LCLAT1: variants seen among roughly 807,000 people sequenced by gnomAD.
LCLAT1 encodes the protein 1-AGP acyltransferase 8.
In LCLAT1, 11 loss-of-function variants were observed where a neutral mutation model predicts 30.7. That is an observed-to-expected ratio of 0.36 (90% CI 0.23 to 0.59). LCLAT1 has a LOEUF of 0.59. Ranked by LOEUF, LCLAT1 falls within the 20% of genes least tolerant of loss-of-function variation. The probability of loss-of-function intolerance (pLI) is 0.77; values close to 1 mark genes in which losing one functional copy is unlikely to be tolerated. For missense variants in LCLAT1, 402 were observed against 458.6 expected (o/e 0.88, Z 1.13); for synonymous variants, 155 against 151.3 (o/e 1.02, Z -0.18).
At chr2:30,551,651 G>C (rs1219328484) in intron 3 of LCLAT1, among the ~76,000 whole-genome samples, 1 of 152,114 alleles carries the variant, frequency 6.6e-6, no homozygotes, top group Non-Finnish European at 1.5e-5. Context: ...TGGCAGGACT[G>C]GTTTCTTTCT....
chr2:30,545,789 T>G (rs187971731), intron 3 of LCLAT1, among the ~76,000 whole-genome samples: 165 of 152,300 alleles, frequency 1.1e-3, no homozygotes, highest in African/African-American at 3.8e-3. Flanking sequence ...CTAGTGATTT[T>G]GTGCCAGGAA....
chr2:30,559,457 T>TG (rs1482317260), intron 3 of LCLAT1, among the ~76,000 whole-genome samples: 2 of 152,254 alleles, frequency 1.3e-5, no homozygotes, highest in Non-Finnish European at 2.9e-5. Flanking sequence ...ATCTAAGTCT[T>TG]GCATTCATTT....
At chr2:30,638,565 A>C (rs77305565) in intron 5 of LCLAT1, among the ~76,000 whole-genome samples, 3,631 of 152,356 alleles carry the variant, frequency 0.024, 68 homozygotes, top group Non-Finnish European at 0.04. Flanking sequence ...GTTCAGGAGA[A>C]AGTAACATTC....
intron 3 of LCLAT1, among the ~76,000 whole-genome samples, chr2:30,538,272 A>G (rs886128634): frequency 6.6e-6 from 1 of 152,250 alleles, no homozygotes; most frequent in South Asian, 2.1e-4. Flanking sequence ...CAAAGGGTCA[A>G]TGAAATGGAA....
intron 5 of LCLAT1, among the ~76,000 whole-genome samples, chr2:30,632,434 C>T (rs1342643542): frequency 6.6e-6 from 1 of 152,138 alleles, no homozygotes; most frequent in Admixed American, 6.5e-5. Context: ...GGCTCAGAGC[C>T]AGAGTCAGTC....
intron 5 of LCLAT1, among the ~76,000 whole-genome samples, chr2:30,568,955 T>C (rs988310542): frequency 2.0e-5 from 3 of 151,930 alleles, no homozygotes; most frequent in African/African-American, 7.2e-5. Flanking sequence ...TATCATTCTC[T>C]TACTATTTTA....
chr2:30,534,267 G>A (rs1014935323), intron 3 of LCLAT1, among the ~76,000 whole-genome samples: 3 of 131,550 alleles, frequency 2.3e-5, no homozygotes, highest in Non-Finnish European at 3.3e-5. Context: ...GTGTGTGTGT[G>A]TGTGTGTTTG....
intron 1 of LCLAT1, among the ~76,000 whole-genome samples, chr2:30,456,448 C>T (rs1681841739): frequency 6.6e-6 from 1 of 151,550 alleles, no homozygotes. Context: ...CTAGACTTCT[C>T]CAATATCACC....
At chr2:30,467,098 C>A (rs1033679808) in intron 1 of LCLAT1, among the ~76,000 whole-genome samples, 1 of 152,064 alleles carries the variant, frequency 6.6e-6, no homozygotes, top group African/African-American at 2.4e-5. Context: ...TCTCCCCCGA[C>A]CCCACGACAG....
intron 3 of LCLAT1, among the ~76,000 whole-genome samples, chr2:30,536,780 A>G (rs955746029): frequency 2.6e-5 from 4 of 152,230 alleles, no homozygotes; most frequent in Admixed American, 1.3e-4. Context: ...ATAGATAAAC[A>G]ATAAGACAAG....
Position 30,488,041 on chromosome 2 carries a change from G to A in LCLAT1, c.-4-37546G>A, listed in dbSNP as rs183735138. The stretch of plus-strand genomic sequence containing the variant: ...TTTAAATGTGTGGATTTTATGGTAT[G>A]TGAATTATATCTTAATAAAGCTGTT... On this transcript the variant is annotated intron_variant, in intron 1 of 5. Coordinates refer to ENST00000379509, the MANE Select transcript of LCLAT1 (RefSeq NM_001002257.3). Among the ~76,000 whole-genome samples, 12 of 152,344 alleles carry A rather than the reference G, an allele frequency of 7.9e-5. No individual in the cohort carries two copies. In the East Asian group the frequency reaches 2.3e-3, roughly 29 times the overall value.
At position 30,527,292 on chromosome 2, in the gene LCLAT1, A is replaced by C. The variant is rs74594547; in HGVS notation, c.165+1537A>C. 7.7e-3 allele frequency among the ~76,000 whole-genome samples: 1,169 copies of C among 152,332 alleles called. 20 individuals carry two copies. Among genetic ancestry groups the C allele is most frequent in the African/African-American group, 0.027 (1,120 of 41,572 alleles). On this transcript the variant is annotated intron_variant, in intron 2 of 5. Coordinates refer to ENST00000379509, the MANE Select transcript of LCLAT1 (RefSeq NM_001002257.3). The stretch of plus-strand genomic sequence containing the variant: ...TTGGAGTAAATGATCTTTGAGATCT[A>C]TTCTGGATTCAGAATTGTATATCTG...
intron 5 of LCLAT1, among the ~76,000 whole-genome samples, chr2:30,634,403 A>G (rs576967735): frequency 3.3e-5 from 5 of 152,312 alleles, no homozygotes; most frequent in East Asian, 1.9e-4. Flanking sequence ...AGGTGGGCCA[A>G]TCACCTAAGG....
intron 1 of LCLAT1, among the ~76,000 whole-genome samples, chr2:30,524,359 T>C (rs960929517): frequency 6.6e-6 from 1 of 152,194 alleles, no homozygotes; most frequent in Non-Finnish European, 1.5e-5. Flanking sequence ...GATTCTAATA[T>C]AAAGAATTAA....
chr2:30,513,259 TATAA>T (rs536022540), intron 1 of LCLAT1, among the ~76,000 whole-genome samples: 47 of 151,962 alleles, frequency 3.1e-4, no homozygotes, highest in African/African-American at 1.1e-3. Context: ...TGTAGTTATA[TATAA>T]ATATACTGTT....
chr2:30,524,980 G>C (rs962219852), intron 1 of LCLAT1, among the ~76,000 whole-genome samples: 1 of 151,528 alleles, frequency 6.6e-6, no homozygotes, highest in Non-Finnish European at 1.5e-5. Flanking sequence ...AAAAACTCTG[G>C]AATATTTTAT....
At chr2:30,506,618 A>C (rs1019266891) in intron 1 of LCLAT1, among the ~76,000 whole-genome samples, 1 of 152,186 alleles carries the variant, frequency 6.6e-6, no homozygotes, top group Admixed American at 6.5e-5. Context: ...AAATTTAGCT[A>C]TGAGCCTTTG....
intron 1 of LCLAT1, among the ~76,000 whole-genome samples, chr2:30,515,710 G>A (rs1685149066): frequency 6.6e-6 from 1 of 152,102 alleles, no homozygotes; most frequent in Non-Finnish European, 1.5e-5. Flanking sequence ...GTTTTCAAAT[G>A]TCTTTTTAAA....
Position 30,640,754 on chromosome 2 carries a change from C to G in LCLAT1, c.*135C>G. On this transcript the variant is annotated 3_prime_UTR_variant, in exon 6 of 6. Transcript: ENST00000379509. Reference sequence around the variant, plus strand: ...ATCATTATTTGTTAAAGATATTTTGCACTTAATTTTGTGGGAAAAATATTG... The same window carrying G: ...ATCATTATTTGTTAAAGATATTTTGGACTTAATTTTGTGGGAAAAATATTG... 1 of 1,154,466 alleles carries G rather than the reference C, an allele frequency of 8.7e-7. No homozygotes were observed. Among genetic ancestry groups the G allele is most frequent in the East Asian group, 2.6e-5 (1 of 39,004 alleles). The allele number at this position is 1,154,466 out of a possible 1,614,324, so 71.5% of individuals were successfully genotyped here.
Sources: allele counts gnomAD v4.1 joint callset (sites outside exome capture counted in the v4.1 genomes callset), GRCh38; gene constraint gnomAD v4.1.1; transcripts MANE v1.5; gene names NCBI Gene and HGNC (gene_info 2026-07-23, HGNC 2026-07-21).